Variants in PKIB observed in about 807,000 individuals in gnomAD.
The protein encoded by PKIB is PKI-beta.
Under a neutral mutation model 4.5 loss-of-function variants are expected in PKIB, and 2 were observed. The observed-to-expected ratio is 0.44, with a 90% CI of 0.18 to 1.39. PKIB has a LOEUF of 1.39. Among genes scored for constraint, PKIB ranks in the 40% most tolerant of loss-of-function variants. PKIB has a pLI of 0.27. For missense variants in PKIB, 94 were observed against 92.6 expected (o/e 1.02, Z -0.06); for synonymous variants, 38 against 36.0 (o/e 1.06, Z -0.20).
intron 2 of PKIB, among the ~76,000 whole-genome samples, chr6:122,540,222 G>A (rs1043525581): frequency 6.6e-6 from 1 of 151,882 alleles, no homozygotes; most frequent in African/African-American, 2.4e-5. Flanking sequence ...CCTTCTGCTA[G>A]CTTTTGAATG....
chr6:122,639,601 A>G (rs1776050954), intron 2 of PKIB, among the ~76,000 whole-genome samples: 2 of 152,174 alleles, frequency 1.3e-5, no homozygotes, highest in Admixed American at 6.5e-5. Flanking sequence ...GGAGACCCAA[A>G]AGGTGTTATA....
At chr6:122,690,391 A>AT (rs1432998641) in intron 3 of PKIB, among the ~76,000 whole-genome samples, 2 of 151,276 alleles carry the variant, frequency 1.3e-5, no homozygotes, top group African/African-American at 4.9e-5. Context: ...CTTACCTTCT[A>AT]TTTTTTTGTG....
At chr6:122,495,413 C>T (rs1208917737) in intron 2 of PKIB, among the ~76,000 whole-genome samples, 1 of 152,114 alleles carries the variant, frequency 6.6e-6, no homozygotes, top group Non-Finnish European at 1.5e-5. Flanking sequence ...CTGTAATATC[C>T]CCTCAGATCC....
At chr6:122,619,629 C>T (rs991366526) in intron 1 of PKIB, among the ~76,000 whole-genome samples, 1 of 152,010 alleles carries the variant, frequency 6.6e-6, no homozygotes, top group African/African-American at 2.4e-5. Context: ...AACCTGAGCC[C>T]TAGAAGGAAA....
At chr6:122,642,150 A>G (rs1420661229) in intron 2 of PKIB, among the ~76,000 whole-genome samples, 1 of 152,218 alleles carries the variant, frequency 6.6e-6, no homozygotes, top group Non-Finnish European at 1.5e-5. Flanking sequence ...CAGACTATAA[A>G]AGCCCACTGC....
chr6:122,478,759 A>G (rs1352440445), intron 2 of PKIB: 1 of 152,202 alleles, frequency 6.6e-6, no homozygotes, highest in Non-Finnish European at 1.5e-5. Context: ...AAAGTGTTTT[A>G]GAGACATGCT....
intron 3 of PKIB, among the ~76,000 whole-genome samples, chr6:122,590,210 T>C (rs553520635): frequency 5.3e-5 from 8 of 152,252 alleles, no homozygotes; most frequent in African/African-American, 1.9e-4. Flanking sequence ...GATGCCTTAT[T>C]TATAGGAAGA....
At chr6:122,701,561 C>T in intron 3 of PKIB, 2 of 1,554,822 alleles carry the variant, frequency 1.3e-6, no homozygotes, top group Non-Finnish European at 1.7e-6. Context: ...AAAGAGATGG[C>T]ATAACAGTGC....
intron 2 of PKIB, among the ~76,000 whole-genome samples, chr6:122,575,367 G>T (rs1042806351): frequency 1.3e-5 from 2 of 151,932 alleles, no homozygotes; most frequent in Non-Finnish European, 2.9e-5. Context: ...ACTAAAAGTA[G>T]AACTATCTTG....
intron 3 of PKIB, among the ~76,000 whole-genome samples, chr6:122,716,721 A>T (rs1032702832): frequency 2.6e-5 from 4 of 152,166 alleles, no homozygotes; most frequent in Non-Finnish European, 5.9e-5. Flanking sequence ...CCCTCCAACT[A>T]CCATGAAAAG....
At chr6:122,665,550 G>A (rs1049607119) in intron 2 of PKIB, among the ~76,000 whole-genome samples, 2 of 152,126 alleles carry the variant, frequency 1.3e-5, no homozygotes, top group Non-Finnish European at 2.9e-5. Context: ...CAATGACAAT[G>A]TTAGGACAAA....
intron 1 of PKIB, among the ~76,000 whole-genome samples, chr6:122,632,996 G>A (rs1368338387): frequency 6.6e-6 from 1 of 152,182 alleles, no homozygotes; most frequent in African/African-American, 2.4e-5. Flanking sequence ...CAATTGATGT[G>A]TTTGAATGGT....
chr6:122,717,278 T>C (rs2115072392), intron 3 of PKIB, among the ~76,000 whole-genome samples: 1 of 152,274 alleles, frequency 6.6e-6, no homozygotes, highest in African/African-American at 2.4e-5. Context: ...AAATATTTAG[T>C]GCTCTCTAGG....
chr6:122,536,319 CT>C (rs1777406410), intron 2 of PKIB, among the ~76,000 whole-genome samples: 2 of 152,308 alleles, frequency 1.3e-5, no homozygotes. Flanking sequence ...TATTGCATCA[CT>C]TCAAAAATAT....
intron 2 of PKIB, among the ~76,000 whole-genome samples, chr6:122,520,271 G>A (rs1294809399): frequency 6.6e-6 from 1 of 151,920 alleles, no homozygotes; most frequent in Non-Finnish European, 1.5e-5. Context: ...TTTGTTAATT[G>A]TCATATATCT....
At chr6:122,638,958 A>G (rs1215141273) in intron 2 of PKIB, among the ~76,000 whole-genome samples, 1 of 152,016 alleles carries the variant, frequency 6.6e-6, no homozygotes, top group Non-Finnish European at 1.5e-5. Flanking sequence ...TTGATTTTTA[A>G]ACATGTATCT....
intron 2 of PKIB, among the ~76,000 whole-genome samples, chr6:122,498,573 G>A (rs1469390348): frequency 1.3e-5 from 2 of 152,198 alleles, no homozygotes; most frequent in African/African-American, 2.4e-5. Context: ...CAAAAGCAAT[G>A]TTAAGAGGAA....
At chr6:122,562,590 A>C (rs1773067890) in intron 2 of PKIB, among the ~76,000 whole-genome samples, 1 of 152,198 alleles carries the variant, frequency 6.6e-6, no homozygotes, top group Non-Finnish European at 1.5e-5. Context: ...CAGGAATGCC[A>C]ATTATCCTTA....
At chr6:122,475,940 C>T (rs1019776213) in intron 1 of PKIB, among the ~76,000 whole-genome samples, 1 of 152,114 alleles carries the variant, frequency 6.6e-6, no homozygotes, top group African/African-American at 2.4e-5. Context: ...ATCCTTCCTG[C>T]CTTTACACAA....
Sources: gnomAD v4.1 joint callset for allele counts (sites outside exome capture counted in the v4.1 genomes callset) on GRCh38, gnomAD v4.1.1 for gene constraint, MANE v1.5 for transcripts, NCBI Gene and HGNC (gene_info 2026-07-23, HGNC 2026-07-21) for gene names.